The following TSHZ2 variants were observed in gnomAD, a reference collection of about 807,000 sequenced individuals.
The protein encoded by TSHZ2 is teashirt homolog 2.
In TSHZ2, 21 loss-of-function variants were observed where a neutral mutation model predicts 74.4. The observed-to-expected ratio is 0.28, with a 90% CI of 0.20 to 0.41. The LOEUF is 0.41. TSHZ2 is among the 10% of genes least tolerant of loss of function. TSHZ2 has a pLI of 1.00. For missense variants in TSHZ2, 1,244 were observed against 1,293.5 expected (o/e 0.96, Z 0.59); for synonymous variants, 540 against 515.3 (o/e 1.05, Z -0.65).
At chr20:53,225,541 G>A (rs548490953) in intron 1 of TSHZ2, among the ~76,000 whole-genome samples, 4 of 152,318 alleles carry the variant, frequency 2.6e-5, no homozygotes, top group Non-Finnish European at 5.9e-5. Context: ...TGCAGGCTTC[G>A]CATTGATTTA....
At chr20:53,284,081 G>T (rs1321429400) in intron 2 of TSHZ2, among the ~76,000 whole-genome samples, 1 of 152,204 alleles carries the variant, frequency 6.6e-6, no homozygotes, top group Admixed American at 6.5e-5. Context: ...CCCGGCAGGG[G>T]CTTTCTTCCT....
chr20:53,446,137 T>A (rs1163092043), intron 2 of TSHZ2, among the ~76,000 whole-genome samples: 3 of 152,162 alleles, frequency 2.0e-5, no homozygotes, highest in South Asian at 2.1e-4. Flanking sequence ...TCCAAGCAGA[T>A]GTGATGCAGG....
At chr20:53,458,353 G>A (rs1255294973) in intron 2 of TSHZ2, among the ~76,000 whole-genome samples, 5 of 152,008 alleles carry the variant, frequency 3.3e-5, no homozygotes, top group African/African-American at 4.8e-5. Flanking sequence ...GTGTAGAGGT[G>A]TTTGTAGTAT....
intron 2 of TSHZ2, among the ~76,000 whole-genome samples, chr20:53,265,024 A>G (rs1238553158): frequency 1.3e-5 from 2 of 152,198 alleles, no homozygotes; most frequent in Non-Finnish European, 2.9e-5. Context: ...ACCGAAGGCG[A>G]GAGCAGGCCT....
At chr20:53,092,878 G>A (rs1985926954) in intron 1 of TSHZ2, among the ~76,000 whole-genome samples, 1 of 152,146 alleles carries the variant, frequency 6.6e-6, no homozygotes, top group African/African-American at 2.4e-5. Flanking sequence ...AGCTTTGCAG[G>A]TCATATAGTC....
chr20:53,297,682 T>C (rs1261139576), intron 2 of TSHZ2, among the ~76,000 whole-genome samples: 12 of 152,240 alleles, frequency 7.9e-5, no homozygotes, highest in Admixed American at 5.9e-4. Context: ...GGCTCCATCA[T>C]TTATTAACTC....
At chr20:53,232,129 A>G (rs1036865739) in intron 1 of TSHZ2, among the ~76,000 whole-genome samples, 1 of 152,056 alleles carries the variant, frequency 6.6e-6, no homozygotes, top group Non-Finnish European at 1.5e-5. Flanking sequence ...GCCTCAAGCA[A>G]TCCTCCTGCC....
chr20:53,010,798 G>A (rs866299261), intron 1 of TSHZ2, among the ~76,000 whole-genome samples: 4 of 152,082 alleles, frequency 2.6e-5, no homozygotes, highest in Admixed American at 6.6e-5. Context: ...AAAAGCTGAC[G>A]ATTTTCCCCA....
rs552464153 is a variant in TSHZ2, at chr20:53,106,461, G to A, written c.40+133128G>A. 1.5e-3 allele frequency among the ~76,000 whole-genome samples: 194 copies of A among 127,370 alleles called. 1 individual carries two copies. The highest frequency in any genetic ancestry group is 5.1e-3 in the Middle Eastern group (1 of 198). The allele number at this position is 127,370 out of a possible 152,430, so 83.6% of individuals were successfully genotyped here. On this transcript the variant is annotated intron_variant, in intron 1 of 2. Coordinates refer to ENST00000371497, the MANE Select transcript of TSHZ2 (RefSeq NM_173485.6). Reference sequence around the variant, plus strand: ...GCTCTGTCTCCCAAGCTGGAGTGCAGTGGCACGATCTTGGCTCACTTCAAG... The same window carrying A: ...GCTCTGTCTCCCAAGCTGGAGTGCAATGGCACGATCTTGGCTCACTTCAAG...
At chr20:53,042,109 C>G (rs1984061186) in intron 1 of TSHZ2, among the ~76,000 whole-genome samples, 2 of 151,718 alleles carry the variant, frequency 1.3e-5, no homozygotes, top group Non-Finnish European at 1.5e-5. Context: ...GGGCATGTTT[C>G]AAAAGCATAT....
chr20:53,329,712 G>A (rs982483823), intron 2 of TSHZ2, among the ~76,000 whole-genome samples: 3 of 152,240 alleles, frequency 2.0e-5, no homozygotes, highest in African/African-American at 7.2e-5. Context: ...GATATTCTAG[G>A]TAGTTTTCCG....
chr20:53,253,746 G>C lies in TSHZ2; in HGVS notation c.288G>C (p.Lys96Asn), dbSNP rs1192963919. The change falls in exon 2 of 3, where the codon AAG (lysine) becomes AAC (asparagine). Residue 96 changes from lysine to asparagine, a missense_variant. Physicochemically the swap from Lys to Asn is moderately conservative, Grantham distance 94 (BLOSUM62 0). Transcript: ENST00000371497. ...CCAGTGATCAGGTGTCGGACATCAA[G>C]AGTGTCTGCGGCAGAGATGCCTCAG... ...SDASDQVSDI[K>N]SVCGRDASDK... 1 of 1,614,230 alleles carries C rather than the reference G, an allele frequency of 6.2e-7. No individual in the cohort carries two copies.
rs545626581 is a variant in TSHZ2 at position 53,162,198 on chromosome 20, G to A, written c.41-91301G>A. On this transcript the variant is annotated intron_variant, in intron 1 of 2. Coordinates refer to ENST00000371497, the MANE Select transcript of TSHZ2 (RefSeq NM_173485.6). ...TCAATTTTATAAATAAAAGAGACTC[G>A]CCTCAAAATCACAACTGAAGGAAAA... 8.5e-5 allele frequency among the ~76,000 whole-genome samples: 13 copies of A among 152,090 alleles called. No homozygotes were observed. In the South Asian group the frequency reaches 1.7e-3, roughly 19 times the overall value.
chr20:53,252,984 G>A (rs1184235832), intron 1 of TSHZ2, among the ~76,000 whole-genome samples: 1 of 151,942 alleles, frequency 6.6e-6, no homozygotes, highest in South Asian at 2.1e-4. Context: ...AAATATAATG[G>A]CTGTGTATCC....
At chr20:53,141,687 C>T (rs551248760) in intron 1 of TSHZ2, among the ~76,000 whole-genome samples, 26 of 152,334 alleles carry the variant, frequency 1.7e-4, no homozygotes, top group African/African-American at 6.3e-4. Flanking sequence ...TGCACCTATC[C>T]GGGCCCTCCC....
At chr20:52,998,275 TCTCCTGCCTCAGC>T (rs1448569334) in intron 1 of TSHZ2, among the ~76,000 whole-genome samples, 1 of 152,162 alleles carries the variant, frequency 6.6e-6, no homozygotes, top group Non-Finnish European at 1.5e-5. Flanking sequence ...TTCAAGCGAT[TCTCCTGCCTCAGC>T]CTCCTGACTA....
At position 53,254,497 on chromosome 20, in the gene TSHZ2, C is replaced by A. The variant is rs748325372; in HGVS notation, c.1039C>A (p.Gln347Lys). The A allele has an allele frequency of 1.2e-6, 2 of 1,614,086 alleles. No individual in the cohort carries two copies. Among genetic ancestry groups the A allele is most frequent in the Admixed American group, 3.3e-5 (2 of 60,020 alleles). Reference sequence around the variant, plus strand: ...ATCTTTTGCAGATTCTTTTTCTTCTCAGAAGAACGCCAACTTGCAGTTGTC... The same window carrying A: ...ATCTTTTGCAGATTCTTTTTCTTCTAAGAAGAACGCCAACTTGCAGTTGTC... ...TGSFADSFSS[Q>K]KNANLQLSSN... is the part of the protein sequence containing the mutation. The change falls in exon 2 of 3, where the codon CAG becomes AAG. Residue 347 changes from glutamine to lysine, a missense_variant. Coordinates refer to ENST00000371497, the MANE Select transcript of TSHZ2 (RefSeq NM_173485.6).
rs546296228 is a variant in TSHZ2, at chr20:53,361,981, G to A, written c.*8+105410G>A. Among the ~76,000 whole-genome samples the A allele has an allele frequency of 9.2e-5, 14 of 151,378 alleles. No homozygotes were observed. The South Asian group carries it at 2.3e-3, about 25-fold the overall frequency. ...GTCACCCAGGCTGTCGTGCGATGGC[G>A]CCATCTCGGCTCACTGCAACCTCCA... On this transcript the variant is annotated intron_variant, in intron 2 of 2. Transcript: ENST00000371497.
At chr20:53,047,956 G>A (rs533097596) in intron 1 of TSHZ2, among the ~76,000 whole-genome samples, 24 of 152,292 alleles carry the variant, frequency 1.6e-4, no homozygotes, top group African/African-American at 5.8e-4. Flanking sequence ...AGTGGAAACG[G>A]AGGTCAGAAG....
Sources: gnomAD v4.1 joint callset for allele counts (sites outside exome capture counted in the v4.1 genomes callset) on GRCh38, gnomAD v4.1.1 for gene constraint, MANE v1.5 for transcripts, NCBI Gene and HGNC (gene_info 2026-07-23, HGNC 2026-07-21) for gene names.